FUT8: variants seen among roughly 807,000 people sequenced by gnomAD.
The protein encoded by FUT8 is fucosyltransferase 8.
A neutral mutation model predicts 71.3 loss-of-function variants in FUT8; 29 were observed. The observed-to-expected ratio is 0.41, with a 90% CI of 0.30 to 0.55. FUT8 has a LOEUF of 0.55. Ranked by LOEUF, FUT8 falls within the 20% of genes least tolerant of loss-of-function variation. The pLI, the probability that FUT8 is intolerant of heterozygous loss-of-function variation, is 0.34. For synonymous variants in FUT8, 254 were observed against 239.3 expected, an observed-to-expected ratio of 1.06 and a Z score of -0.57; for missense variants, 544 against 702.1, an observed-to-expected ratio of 0.77 and a Z score of 2.55.
At chr14:65,677,717 A>G (rs1892829210) in intron 7 of FUT8, among the ~76,000 whole-genome samples, 1 of 152,240 alleles carries the variant, frequency 6.6e-6, no homozygotes, top group South Asian at 2.1e-4. Context: ...AGGGAAGTAC[A>G]CTAGTCATTC....
chr14:65,662,918 C>T (rs1892037409), intron 6 of FUT8, among the ~76,000 whole-genome samples: 1 of 152,088 alleles, frequency 6.6e-6, no homozygotes, highest in South Asian at 2.1e-4. Flanking sequence ...ACAGATTTAC[C>T]TTGTATTTCT....
At chr14:65,508,813 A>G (rs1224010583) in intron 2 of FUT8, among the ~76,000 whole-genome samples, 1 of 151,814 alleles carries the variant, frequency 6.6e-6, no homozygotes, top group Admixed American at 6.6e-5. Context: ...AGCTTCTTTT[A>G]TATTCTGGTT....
chr14:65,718,281 T>C (rs1895227144), intron 7 of FUT8, among the ~76,000 whole-genome samples: 2 of 152,232 alleles, frequency 1.3e-5, no homozygotes, highest in Non-Finnish European at 2.9e-5. Flanking sequence ...AAATAACTTA[T>C]AGCTCGTTAT....
At chr14:65,696,973 A>G (rs1301656175) in intron 7 of FUT8, among the ~76,000 whole-genome samples, 2 of 151,958 alleles carry the variant, frequency 1.3e-5, no homozygotes, top group African/African-American at 2.4e-5. Context: ...TTTGTTTATT[A>G]TTAGGTTTTT....
At chr14:65,723,770 G>T (rs968951518) in intron 8 of FUT8, among the ~76,000 whole-genome samples, 2 of 152,076 alleles carry the variant, frequency 1.3e-5, no homozygotes, top group Non-Finnish European at 2.9e-5. Context: ...TGTGAATCCT[G>T]GTATCATCCT....
At chr14:65,732,285 T>C (rs1461491707) in intron 9 of FUT8, among the ~76,000 whole-genome samples, 1 of 152,152 alleles carries the variant, frequency 6.6e-6, no homozygotes, top group East Asian at 1.9e-4. Context: ...CTGAAACAGC[T>C]CTTAGGGGAT....
chr14:65,504,138 G>A lies in FUT8; in HGVS notation c.-228+48420G>A, dbSNP rs185169978. The stretch of plus-strand genomic sequence containing the variant: ...ACACCCCCTTCTTTAAAACTGCGAG[G>A]CTTTTTTGTATTAGTTGAACTTTCA... On this transcript the variant is annotated intron_variant, in intron 2 of 10. Coordinates refer to ENST00000673929, the MANE Select transcript of FUT8 (RefSeq NM_001371533.1). Among the ~76,000 whole-genome samples, 156 of 152,166 alleles carry A rather than the reference G, an allele frequency of 1.0e-3. 1 individual carries two copies. Among genetic ancestry groups the A allele is most frequent in the African/African-American group, 3.7e-3 (154 of 41,510 alleles).
chr14:65,580,776 T>C (rs1887049390), intron 3 of FUT8, among the ~76,000 whole-genome samples: 1 of 152,094 alleles, frequency 6.6e-6, no homozygotes, highest in African/African-American at 2.4e-5. Context: ...TGAAAGATTA[T>C]CTTGAGAAAG....
chr14:65,679,753 T>C (rs908946778), intron 7 of FUT8, among the ~76,000 whole-genome samples: 4 of 152,218 alleles, frequency 2.6e-5, no homozygotes, highest in Non-Finnish European at 5.9e-5. Context: ...GCCCATATTA[T>C]CACCTGGGGG....
intron 3 of FUT8, among the ~76,000 whole-genome samples, chr14:65,593,580 T>C (rs1403435780): frequency 1.6e-5 from 2 of 126,480 alleles, no homozygotes; most frequent in African/African-American, 4.9e-5. Context: ...TCTTTTCTTT[T>C]CTTTTTTTTT....
At chr14:65,572,852 A>C (rs1886558403) in intron 3 of FUT8, among the ~76,000 whole-genome samples, 1 of 152,212 alleles carries the variant, frequency 6.6e-6, no homozygotes. Flanking sequence ...ATAGCTAGAG[A>C]CTTCAGCACC....
chr14:65,624,104 G>A lies in FUT8; in HGVS notation c.483-5388G>A, dbSNP rs1336971426. Among the ~76,000 whole-genome samples the A allele has an allele frequency of 2.0e-5, 3 of 152,146 alleles. No homozygotes were observed. The East Asian group carries it at 5.8e-4, about 29-fold the overall frequency. ...ATAACTTTCAAATATAATTGAATCA[G>A]TAAAGAACTAGTTTGAATTTAAGGT... On this transcript the variant is annotated intron_variant, in intron 5 of 10. Coordinates refer to ENST00000673929, the MANE Select transcript of FUT8 (RefSeq NM_001371533.1).
intron 6 of FUT8, among the ~76,000 whole-genome samples, chr14:65,633,943 G>A (rs138543627): frequency 0.023 from 3,452 of 150,578 alleles, 143 homozygotes; most frequent in African/African-American, 0.081. Context: ...GAGGGAGGTG[G>A]GGGGTCAGCC....
the FUT8 span, among the ~76,000 whole-genome samples, chr14:65,384,109 A>G: frequency 6.6e-6 from 1 of 151,302 alleles, no homozygotes; most frequent in East Asian, 1.9e-4. This position sits in a 1 kb window ranked among gnomAD's most constrained non-coding sequence, Gnocchi z 4.2. Context: ...CCAGAAGCCA[A>G]TGAACCACCA....
intron 2 of FUT8, among the ~76,000 whole-genome samples, chr14:65,527,507 G>A (rs930438957): frequency 1.5e-4 from 23 of 152,214 alleles, no homozygotes; most frequent in Admixed American, 2.6e-4. Flanking sequence ...TGATGGGTTT[G>A]AACTTCCTCC....
intron 3 of FUT8, among the ~76,000 whole-genome samples, chr14:65,565,411 TGAA>T (rs1325635601): frequency 6.6e-6 from 1 of 151,846 alleles, no homozygotes; most frequent in Non-Finnish European, 1.5e-5. Flanking sequence ...ATTCACCAAT[TGAA>T]GAATGTGAGG....
the FUT8 span, among the ~76,000 whole-genome samples, chr14:65,385,151 G>T: frequency 4.6e-5 from 7 of 151,744 alleles, no homozygotes; most frequent in East Asian, 1.2e-3. Flanking sequence ...CACCTGCCTC[G>T]GTCTCCCAAA....
At position 65,678,532 on chromosome 14, in the gene FUT8, T is replaced by A. The variant is rs12050135; in HGVS notation, c.835+9052T>A. ...ACAAAACAGTCTTCAGATAGTCTTT[T>A]TAAGGTCTCCAAGTTGATAGGATGA... is the stretch of plus-strand genomic sequence containing the variant. On this transcript the variant is annotated intron_variant, in intron 7 of 10. Transcript: ENST00000673929. Among the ~76,000 whole-genome samples, 9 of 152,256 alleles carry A rather than the reference T, an allele frequency of 5.9e-5. No individual in the cohort carries two copies. The East Asian group carries it at 1.5e-3, about 26-fold the overall frequency.
chr14:65,734,305 C>T (rs976447689), intron 10 of FUT8, among the ~76,000 whole-genome samples: 1 of 152,140 alleles, frequency 6.6e-6, no homozygotes, highest in Non-Finnish European at 1.5e-5. Context: ...AAAGCCACAT[C>T]ATTTTTACAA....
Sources: gnomAD v4.1 joint callset for allele counts (sites outside exome capture counted in the v4.1 genomes callset) on GRCh38, gnomAD v4.1.1 for gene constraint, Gnocchi (gnomAD v3.1) non-coding constraint, MANE v1.5 for transcripts, NCBI Gene and HGNC (gene_info 2026-07-23, HGNC 2026-07-21) for gene names.